PHOX2B: variants seen among roughly 807,000 people sequenced by gnomAD.
PHOX2B encodes paired like homeobox 2B.
Under a neutral mutation model 15.5 loss-of-function variants are expected in PHOX2B, and 1 was observed. The observed-to-expected ratio is 0.06, with a 90% CI of 0.02 to 0.31. The LOEUF (loss-of-function observed/expected upper bound fraction) is 0.31. Ranked by LOEUF, PHOX2B falls within the 10% of genes least tolerant of loss-of-function variation. The pLI, the probability that PHOX2B is intolerant of heterozygous loss-of-function variation, is 1.00. For missense variants in PHOX2B, 314 were observed against 436.4 expected (o/e 0.72, Z 2.50); for synonymous variants, 206 against 190.5 (o/e 1.08, Z -0.67).
chr4:41,747,668 G>A, intron 1 of PHOX2B, 132 bp from the exon 2 acceptor site: 1 of 775,488 alleles, frequency 1.3e-6, no homozygotes, highest in Non-Finnish European at 2.3e-6. Context: ...GAGAGTTGCC[G>A]AGAGAAGCTG....
chr4:41,745,610 AAGGGGGT>A lies in PHOX2B; in HGVS notation c.*190_*196del. On this transcript the variant is annotated 3_prime_UTR_variant, in exon 3 of 3. Coordinates refer to ENST00000226382, the MANE Select transcript of PHOX2B (RefSeq NM_003924.4). This position sits in a 1 kb window ranked among gnomAD's most constrained non-coding sequence, Gnocchi z 4.0. The stretch of plus-strand genomic sequence containing the variant: ...TGTTTGTTTTGTTTGGGGGTTGAGG[AAGGGGGT>A]AGGAGTGGGGTTGAAATGAGGGCGA... The A allele has an allele frequency of 1.7e-6, 1 of 601,806 alleles. No individual in the cohort carries two copies. The highest frequency in any genetic ancestry group is 3.8e-5 in the Admixed American group (1 of 26,288). The allele number at this position is 601,806 out of a possible 1,614,324, so 37.3% of individuals were successfully genotyped here.
At position 41,748,686 on chromosome 4, in the gene PHOX2B, G is replaced by A. The variant is rs1479528723; in HGVS notation, c.-76C>T. 2.1e-6 allele frequency: 3 copies of A among 1,418,726 alleles called. No homozygotes were observed. Among genetic ancestry groups the A allele is most frequent in the Non-Finnish European group, 3.0e-6 (3 of 1,013,952 alleles). 87.9% of individuals were successfully genotyped at this position (1,418,726 alleles called of 1,614,324 possible). Reference sequence around the variant, plus strand: ...GATATGGAGAAGGTGGCTGGAGTGGGGAGATGTGCACAGCTCAACGCCTGC... The same window carrying A: ...GATATGGAGAAGGTGGCTGGAGTGGAGAGATGTGCACAGCTCAACGCCTGC... On this transcript the variant is annotated 5_prime_UTR_variant, in exon 1 of 3. Transcript: ENST00000226382.
chr4:41,747,233 G>T (rs1434268712), intron 2 of PHOX2B, 116 bp downstream of exon 2: 14 of 809,220 alleles, frequency 1.7e-5, no homozygotes, highest in Non-Finnish European at 2.7e-5. Flanking sequence ...TCGGCCATGG[G>T]GCCCTAGGTC....
Position 41,745,597 on chromosome 4 carries a change from T to G in PHOX2B, c.*210A>C. The G allele has an allele frequency of 1.8e-6, 1 of 554,604 alleles. No homozygotes were observed. The allele number at this position is 554,604 out of a possible 1,614,324, so 34.4% of individuals were successfully genotyped here. ...AGCCAGGGAAGTTTGTTTGTTTTGT[T>G]TGGGGGTTGAGGAAGGGGGTAGGAG... On this transcript the variant is annotated 3_prime_UTR_variant, in exon 3 of 3. Transcript: ENST00000226382. This position sits in a 1 kb window ranked among gnomAD's most constrained non-coding sequence, Gnocchi z 4.0.
chr4:41,745,609 G>T lies in PHOX2B; in HGVS notation c.*198C>A. The T allele has an allele frequency of 1.7e-6, 1 of 605,388 alleles. No individual in the cohort carries two copies. The highest frequency in any genetic ancestry group is 2.7e-6 in the Non-Finnish European group (1 of 372,876). 37.5% of individuals were successfully genotyped at this position (605,388 alleles called of 1,614,324 possible). ...TTGTTTGTTTTGTTTGGGGGTTGAG[G>T]AAGGGGGTAGGAGTGGGGTTGAAAT... On this transcript the variant is annotated 3_prime_UTR_variant, in exon 3 of 3. Coordinates refer to ENST00000226382, the MANE Select transcript of PHOX2B (RefSeq NM_003924.4). This position sits in a 1 kb window ranked among gnomAD's most constrained non-coding sequence, Gnocchi z 4.0.
Position 41,748,629 on chromosome 4 carries a change from C to G in PHOX2B, c.-19G>C. 6.2e-7 allele frequency: 1 copy of G among 1,611,660 alleles called. No individual in the cohort carries two copies. The highest frequency in any genetic ancestry group is 1.1e-5 in the South Asian group (1 of 90,880). On this transcript the variant is annotated 5_prime_UTR_variant, in exon 1 of 3. Coordinates refer to ENST00000226382, the MANE Select transcript of PHOX2B (RefSeq NM_003924.4). ...TATACATTGAAAAGGTTCTGGATGG[C>G]TCAGCCAAGTGGAAAAATGAAATAA...
Position 41,747,490 on chromosome 4 carries a change from G to C in PHOX2B, c.288C>G (p.Arg96=), listed in dbSNP as rs201892150. Residue 96 remains arginine, a synonymous_variant, in exon 2 of 3, where the codon CGC becomes CGG. Transcript: ENST00000226382. ...FTDHGGLNEK[R]KQRRIRTTFT... is the part of the protein sequence containing the mutation. ...AAGTGGTGCGGATGCGCCGCTGCTT[G>C]CGCTTCTCGTTGAGGCCGCCGTGGT... 410 of 1,610,908 alleles carry C rather than the reference G, an allele frequency of 2.5e-4. 8 individuals are homozygous for C. In the Admixed American group the frequency reaches 6.6e-3, roughly 26 times the overall value.
intron 2 of PHOX2B, among the ~76,000 whole-genome samples, chr4:41,747,010 G>T (rs369112574): frequency 1.3e-5 from 2 of 151,870 alleles, no homozygotes; most frequent in African/African-American, 2.4e-5. Flanking sequence ...GGGCGGGAGG[G>T]GAGAAGGAAA....
At chr4:41,746,440 C>T (rs1733903089) in intron 2 of PHOX2B, 118 bp from the exon 3 acceptor site, 1 of 962,406 alleles carries the variant, frequency 1.0e-6, no homozygotes, top group East Asian at 2.6e-5. Context: ...ACCCTCCTCC[C>T]CATGCGCTGT....
Position 41,744,122 on chromosome 4 carries a change from T to C in PHOX2B, c.*1685A>G, listed in dbSNP as rs549279025. 5.5e-6 allele frequency: 1 copy of C among 183,202 alleles called. No individual in the cohort carries two copies. The highest frequency in any genetic ancestry group is 1.2e-5 in the Non-Finnish European group (1 of 86,740). 11.3% of individuals were successfully genotyped at this position (183,202 alleles called of 1,614,324 possible). A position where few individuals can be genotyped will look rare whatever the true frequency, so the allele number is the denominator to read the frequency against. On this transcript the variant is annotated 3_prime_UTR_variant, in exon 3 of 3. Transcript: ENST00000226382. ...TTTTTATTATCAACAATCAAGTTAA[T>C]GGTACACTCTTGGAAAACTATATGC...
intron 1 of PHOX2B, 69 bp downstream of exon 1, chr4:41,748,301 T>C: frequency 6.4e-7 from 1 of 1,555,846 alleles, no homozygotes; most frequent in Non-Finnish European, 8.8e-7. Context: ...CATTTTCAAA[T>C]GCAATCAAGG....
At chr4:41,746,409 T>G (rs945243418) in intron 2 of PHOX2B, 87 bp from the exon 3 acceptor site, 8 of 1,368,602 alleles carry the variant, frequency 5.8e-6, no homozygotes, top group Non-Finnish European at 7.1e-6. Flanking sequence ...TGGCCCAAGT[T>G]CTACTTCGGC....
In PHOX2B at chr4:41,745,793, C is replaced by A; in HGVS notation, c.*14G>T. On this transcript the variant is annotated 3_prime_UTR_variant, in exon 3 of 3. Coordinates refer to ENST00000226382, the MANE Select transcript of PHOX2B (RefSeq NM_003924.4). The surrounding 1 kb of genome is among the most constrained non-coding windows in gnomAD (Gnocchi z 4.0). The stretch of plus-strand genomic sequence containing the variant: ...CCGCTGTCGCCGCCGCCGCCGCCGC[C>A]GCAGGATTCCAGATCAGAACATACT... The A allele has an allele frequency of 6.2e-7, 1 of 1,602,436 alleles. No homozygotes were observed. Among genetic ancestry groups the A allele is most frequent in the Admixed American group, 1.7e-5 (1 of 59,320 alleles).
Position 41,745,305 on chromosome 4 carries a change from GT to G in PHOX2B, c.*501del. The G allele has an allele frequency of 4.3e-6, 1 of 233,758 alleles. No homozygotes were observed. The highest frequency in any genetic ancestry group is 6.0e-5 in the East Asian group (1 of 16,572). 14.5% of individuals were successfully genotyped at this position (233,758 alleles called of 1,614,324 possible). The stretch of plus-strand genomic sequence containing the variant: ...AACCTTTCTGGGTTGTTGGCTTTTT[GT>G]TTTTTAATGGTTTCTGCCTTCCAAC... On this transcript the variant is annotated 3_prime_UTR_variant, in exon 3 of 3. Transcript: ENST00000226382. This position sits in a 1 kb window ranked among gnomAD's most constrained non-coding sequence, Gnocchi z 4.0.
In PHOX2B at chr4:41,745,717, T is replaced by C. The variant is rs1733861153; in HGVS notation, c.*90A>G. The C allele has an allele frequency of 3.4e-6, 5 of 1,485,554 alleles. No individual in the cohort carries two copies. The highest frequency in any genetic ancestry group is 2.5e-5 in the South Asian group (2 of 78,838). 92.0% of individuals were successfully genotyped at this position (1,485,554 alleles called of 1,614,324 possible). On this transcript the variant is annotated 3_prime_UTR_variant, in exon 3 of 3. Coordinates refer to ENST00000226382, the MANE Select transcript of PHOX2B (RefSeq NM_003924.4). This position sits in a 1 kb window ranked among gnomAD's most constrained non-coding sequence, Gnocchi z 4.0. ...AAAGCCATGGCAGCAGCGACGACAA[T>C]AGCCTTGGGCCTACCCGCTCGCCCA... is the stretch of plus-strand genomic sequence containing the variant.
chr4:41,745,171 G>GT lies in PHOX2B; in HGVS notation c.*635dup, dbSNP rs1368091489. The GT allele has an allele frequency of 4.3e-6, 1 of 233,138 alleles. No individual in the cohort carries two copies. Among genetic ancestry groups the GT allele is most frequent in the Non-Finnish European group, 8.5e-6 (1 of 118,068 alleles). 14.4% of individuals were successfully genotyped at this position (233,138 alleles called of 1,614,324 possible). A position where few individuals can be genotyped will look rare whatever the true frequency, so the allele number is the denominator to read the frequency against. ...GAAGAGCCCCAAGAGAATCCGTGCTGTTAGGAGGGAGCGGATTTAGGGGTT... is the reference window on the plus strand; with the variant it reads ...GAAGAGCCCCAAGAGAATCCGTGCTGTTTAGGAGGGAGCGGATTTAGGGGTT... On this transcript the variant is annotated 3_prime_UTR_variant, in exon 3 of 3. Transcript: ENST00000226382. This position sits in a 1 kb window ranked among gnomAD's most constrained non-coding sequence, Gnocchi z 4.0.
Position 41,745,623 on chromosome 4 carries a change from T to C in PHOX2B, c.*184A>G. The stretch of plus-strand genomic sequence containing the variant: ...TGGGGGTTGAGGAAGGGGGTAGGAG[T>C]GGGGTTGAAATGAGGGCGACGCCGT... On this transcript the variant is annotated 3_prime_UTR_variant, in exon 3 of 3. Coordinates refer to ENST00000226382, the MANE Select transcript of PHOX2B (RefSeq NM_003924.4). The surrounding 1 kb of genome is among the most constrained non-coding windows in gnomAD (Gnocchi z 4.0). The C allele has an allele frequency of 1.5e-6, 1 of 659,812 alleles. No homozygotes were observed. Among genetic ancestry groups the C allele is most frequent in the Non-Finnish European group, 2.4e-6 (1 of 415,610 alleles). The allele number at this position is 659,812 out of a possible 1,614,324, so 40.9% of individuals were successfully genotyped here.
At chr4:41,746,489 C>T (rs1470427819) in intron 2 of PHOX2B, among the ~76,000 whole-genome samples, 167 bp from the exon 3 acceptor site, 3 of 152,166 alleles carry the variant, frequency 2.0e-5, no homozygotes, top group Non-Finnish European at 2.9e-5. Context: ...TCTACCGCTT[C>T]TTATTGCTGT....
chr4:41,748,317 T>G (rs1461761548), intron 1 of PHOX2B, 53 bp downstream of exon 1: 1 of 1,603,406 alleles, frequency 6.2e-7, no homozygotes, highest in African/African-American at 1.3e-5. Context: ...CAAGGCTTCC[T>G]ATATACGGGC....
Sources: allele counts gnomAD v4.1 joint callset (sites outside exome capture counted in the v4.1 genomes callset), GRCh38; gene constraint gnomAD v4.1.1; non-coding constraint Gnocchi (gnomAD v3.1); transcripts MANE v1.5; gene names NCBI Gene and HGNC (gene_info 2026-07-23, HGNC 2026-07-21).